The following SAMD12 variants were observed in gnomAD, a reference collection of about 807,000 sequenced individuals.
SAMD12 encodes the protein sterile alpha motif domain containing 12.
SAMD12 carries 9 observed loss-of-function variants against 15.0 expected under a neutral mutation model. The ratio of observed to expected loss-of-function variants is 0.60; its 90% CI spans 0.36 to 1.05. SAMD12 has a LOEUF of 1.05. SAMD12 is among the 50% of genes least tolerant of loss of function. The pLI, the probability that SAMD12 is intolerant of heterozygous loss-of-function variation, is 0.01. For missense variants in SAMD12, 230 were observed against 234.2 expected (o/e 0.98, Z 0.12); for synonymous variants, 86 against 90.1 (o/e 0.96, Z 0.25).
intron 4 of SAMD12, among the ~76,000 whole-genome samples, chr8:118,293,066 CAAACA>C (rs1265868494): frequency 6.6e-6 from 1 of 151,500 alleles, no homozygotes. Flanking sequence ...AAAAAACAAA[CAAACA>C]AAAAAAATCA....
At chr8:118,230,887 T>A (rs1812297821) in intron 4 of SAMD12, among the ~76,000 whole-genome samples, 1 of 152,044 alleles carries the variant, frequency 6.6e-6, no homozygotes, top group African/African-American at 2.4e-5. Flanking sequence ...CGACAAAAAA[T>A]TTGGATTTTA....
Position 118,451,790 on chromosome 8 carries a change from T to C in SAMD12, c.193-11829A>G, listed in dbSNP as rs16891062. On this transcript the variant is annotated intron_variant, in intron 2 of 3. Transcript: ENST00000314727. ...GTGGTCTATACAAAGTTTCCAATAC[T>C]AGCATTCTTGGGCTTTAAAAGTTAG... is the stretch of plus-strand genomic sequence containing the variant. Among the ~76,000 whole-genome samples, 916 of 152,290 alleles carry C rather than the reference T, an allele frequency of 6.0e-3. 9 individuals carry two copies. Among genetic ancestry groups the C allele is most frequent in the African/African-American group, 0.021 (874 of 41,560 alleles).
At chr8:118,182,961 A>G in the SAMD12 span, among the ~76,000 whole-genome samples, 1 of 152,214 alleles carries the variant, frequency 6.6e-6, no homozygotes, top group African/African-American at 2.4e-5. Context: ...TGCAATAGCA[A>G]TATCTTTACT....
chr8:118,462,651 G>C (rs1823459286), intron 2 of SAMD12, among the ~76,000 whole-genome samples: 2 of 152,196 alleles, frequency 1.3e-5, no homozygotes, highest in South Asian at 4.1e-4. Context: ...AAGGAAGCAA[G>C]CAAGCGAACC....
Position 118,494,479 on chromosome 8 carries a change from G to C in SAMD12, c.193-54518C>G, listed in dbSNP as rs754691435. Among the ~76,000 whole-genome samples the C allele has an allele frequency of 2.0e-5, 3 of 152,250 alleles. No homozygotes were observed. In the South Asian group the frequency reaches 6.2e-4, roughly 32 times the overall value. On this transcript the variant is annotated intron_variant, in intron 2 of 3. Coordinates refer to ENST00000314727, the MANE Select transcript of SAMD12 (RefSeq NM_207506.3). The stretch of plus-strand genomic sequence containing the variant: ...ATTTCATGAAATTACATTACATGCT[G>C]TTATATGTTTGGAATATAGAGTCCA...
intron 4 of SAMD12, among the ~76,000 whole-genome samples, chr8:118,314,660 T>C (rs1245400303): frequency 2.0e-5 from 3 of 152,196 alleles, no homozygotes; most frequent in African/African-American, 2.4e-5. Flanking sequence ...CCTTTTGAAA[T>C]TGGCTTTTTC....
the SAMD12 span, among the ~76,000 whole-genome samples, chr8:118,148,853 T>C: frequency 6.6e-6 from 1 of 152,236 alleles, no homozygotes; most frequent in Non-Finnish European, 1.5e-5. Flanking sequence ...TTACAGCATG[T>C]TCAATGGTTT....
chr8:118,591,207 A>G (rs762632288), intron 1 of SAMD12, among the ~76,000 whole-genome samples: 1 of 139,222 alleles, frequency 7.2e-6, no homozygotes, highest in Non-Finnish European at 1.5e-5. Context: ...AGAATTAAAT[A>G]CAAGCACTAG....
At chr8:118,492,840 T>C (rs1824489524) in intron 2 of SAMD12, among the ~76,000 whole-genome samples, 1 of 152,198 alleles carries the variant, frequency 6.6e-6, no homozygotes, top group Non-Finnish European at 1.5e-5. Context: ...TTCTACTGTT[T>C]TAAGTACTTA....
At chr8:118,536,443 A>AACACACACACACACACAC (rs1165508519) in intron 2 of SAMD12, among the ~76,000 whole-genome samples, 153 of 140,858 alleles carry the variant, frequency 1.1e-3, no homozygotes, top group Non-Finnish European at 1.7e-3. Context: ...CTGATACACA[A>AACACACACACACACACAC]ACACACACAC....
At chr8:118,197,855 T>A in intron 4 of SAMD12, 1 of 859,078 alleles carries the variant, frequency 1.2e-6, no homozygotes, top group East Asian at 2.4e-5. Flanking sequence ...AAAGCTCTAG[T>A]CAGAATAATG....
intron 2 of SAMD12, among the ~76,000 whole-genome samples, chr8:118,456,841 G>C (rs1472561761): frequency 1.3e-5 from 2 of 152,194 alleles, no homozygotes; most frequent in Non-Finnish European, 1.5e-5. Context: ...ACAAGTGTGA[G>C]CTAAACAGAC....
At chr8:118,160,125 A>G in the SAMD12 span, among the ~76,000 whole-genome samples, 1 of 152,248 alleles carries the variant, frequency 6.6e-6, no homozygotes, top group African/African-American at 2.4e-5. Context: ...GGAATGTAAA[A>G]ATATATAGCA....
chr8:118,397,673 G>T (rs1428768945), intron 3 of SAMD12, among the ~76,000 whole-genome samples: 1 of 152,018 alleles, frequency 6.6e-6, no homozygotes, highest in South Asian at 2.1e-4. Context: ...CAATTCATTC[G>T]AATTATGCTG....
At chr8:118,322,589 C>A (rs931830530) in intron 4 of SAMD12, among the ~76,000 whole-genome samples, 2 of 152,220 alleles carry the variant, frequency 1.3e-5, no homozygotes, top group Non-Finnish European at 2.9e-5. Context: ...AAAGACCCTT[C>A]TCTCTGTCGT....
chr8:118,426,694 T>A (rs181116832), intron 3 of SAMD12, among the ~76,000 whole-genome samples: 109 of 152,322 alleles, frequency 7.2e-4, no homozygotes, highest in Admixed American at 1.9e-3. Context: ...GAATGTGTCC[T>A]TGGAGCAGTA....
chr8:118,334,212 C>T (rs1816946321), intron 4 of SAMD12, among the ~76,000 whole-genome samples: 1 of 152,184 alleles, frequency 6.6e-6, no homozygotes. Flanking sequence ...CGTTATTGAG[C>T]ATCAGGCACC....
chr8:118,268,289 C>T (rs1180436919), intron 4 of SAMD12, among the ~76,000 whole-genome samples: 2 of 152,144 alleles, frequency 1.3e-5, no homozygotes, highest in Non-Finnish European at 2.9e-5. Flanking sequence ...CATCTCAATA[C>T]AGTAATTTTC....
rs1199162220 is a variant in SAMD12 at position 118,572,991 on chromosome 8, T to C, written c.192+7724A>G. 3.9e-5 allele frequency among the ~76,000 whole-genome samples: 6 copies of C among 152,248 alleles called. No individual in the cohort carries two copies. In the East Asian group the frequency reaches 1.2e-3, roughly 29 times the overall value. On this transcript the variant is annotated intron_variant, in intron 2 of 3. Transcript: ENST00000314727. Reference sequence around the variant, plus strand: ...TGATGGTTTTATAAGCAGCTGGCATTTCCCCTTCTGGCATTCATTCTCTCT... The same window carrying C: ...TGATGGTTTTATAAGCAGCTGGCATCTCCCCTTCTGGCATTCATTCTCTCT...
Sources: gnomAD v4.1 joint callset for allele counts (sites outside exome capture counted in the v4.1 genomes callset) on GRCh38, gnomAD v4.1.1 for gene constraint, MANE v1.5 for transcripts, NCBI Gene and HGNC (gene_info 2026-07-23, HGNC 2026-07-21) for gene names.